ANKRD28: variants seen among roughly 807,000 people sequenced by gnomAD.
ANKRD28 encodes the protein serine/threonine-protein phosphatase 6 regulatory ankyrin repeat subunit A.
A neutral mutation model predicts 126.5 loss-of-function variants in ANKRD28; 44 were observed. The observed-to-expected ratio is 0.35, with a 90% CI of 0.27 to 0.45. ANKRD28 has a LOEUF of 0.45. ANKRD28 is among the 20% of genes least tolerant of loss of function. The pLI is 1.00. For synonymous variants in ANKRD28, 442 were observed against 468.5 expected (o/e 0.94, Z 0.73); for missense variants, 1,110 against 1,316.6 (o/e 0.84, Z 2.43).
chr3:15,819,269 C>T (rs969656678), intron 1 of ANKRD28, among the ~76,000 whole-genome samples: 9 of 151,968 alleles, frequency 5.9e-5, no homozygotes, highest in Non-Finnish European at 1.2e-4. Flanking sequence ...TAGAGCAAGA[C>T]CCTTTCTCAA....
intron 3 of ANKRD28, among the ~76,000 whole-genome samples, chr3:15,758,043 T>A (rs540958546): frequency 5.3e-5 from 8 of 152,344 alleles, no homozygotes; most frequent in African/African-American, 1.7e-4. Flanking sequence ...CAACCTCTGA[T>A]CTAGGCTAAG....
chr3:15,718,056 A>C (rs546947700), intron 8 of ANKRD28, among the ~76,000 whole-genome samples: 1 of 152,180 alleles, frequency 6.6e-6, no homozygotes, highest in Non-Finnish European at 1.5e-5. Context: ...GTGTCCCCAT[A>C]GTCAATCAAT....
intron 1 of ANKRD28, among the ~76,000 whole-genome samples, chr3:15,844,848 T>TA (rs1380943292): frequency 6.6e-6 from 1 of 152,212 alleles, no homozygotes; most frequent in Non-Finnish European, 1.5e-5. Context: ...CACACTGCTA[T>TA]AAAATACCTG....
chr3:15,700,174 G>A (rs538513750), intron 14 of ANKRD28, among the ~76,000 whole-genome samples: 7 of 152,284 alleles, frequency 4.6e-5, no homozygotes, highest in African/African-American at 1.7e-4. Flanking sequence ...TCATACGTGG[G>A]AGCTGAACAA....
At position 15,830,538 on chromosome 3, in the gene ANKRD28, T is replaced by A. The variant is rs1368406384; in HGVS notation, c.27+28839A>T. Among the ~76,000 whole-genome samples, 1 of 152,156 alleles carries A rather than the reference T, an allele frequency of 6.6e-6. No individual in the cohort carries two copies. Among genetic ancestry groups the A allele is most frequent in the East Asian group, 1.9e-4 (1 of 5,194 alleles). ...CAACACTCTAACTAATGCCTGATGATCTGAGGTGGAACAGTTTCATCTCAA... is the reference window on the plus strand; with the variant it reads ...CAACACTCTAACTAATGCCTGATGAACTGAGGTGGAACAGTTTCATCTCAA... On this transcript the variant is annotated intron_variant, in intron 1 of 27. Coordinates refer to the ANKRD28 transcript ENST00000399451. The surrounding 1 kb of genome is among the most constrained non-coding windows in gnomAD (Gnocchi z 4.5).
rs1242396659 is a variant in ANKRD28 at position 15,843,587 on chromosome 3, A to AG, written c.27+15789dup. 6.6e-6 allele frequency among the ~76,000 whole-genome samples: 1 copy of AG among 152,170 alleles called. No individual in the cohort carries two copies. Among genetic ancestry groups the AG allele is most frequent in the Non-Finnish European group, 1.5e-5 (1 of 68,018 alleles). On this transcript the variant is annotated intron_variant, in intron 1 of 27. Transcript: ENST00000399451. The surrounding 1 kb of genome is among the most constrained non-coding windows in gnomAD (Gnocchi z 5.2). ...AGCAGAATAGTTTGAGCCAAAAATAAGGGAAAAAAAAGAGAGAGAGGCAGA... is the reference window on the plus strand; with the variant it reads ...AGCAGAATAGTTTGAGCCAAAAATAAGGGGAAAAAAAAGAGAGAGAGGCAGA...
intron 1 of ANKRD28, among the ~76,000 whole-genome samples, chr3:15,858,242 T>C (rs1021375533): frequency 2.8e-4 from 43 of 152,304 alleles, no homozygotes; most frequent in African/African-American, 1.0e-3. Flanking sequence ...GTTGTATAAT[T>C]TGAAATACAA....
intron 6 of ANKRD28, among the ~76,000 whole-genome samples, chr3:15,725,771 C>T (rs186963971): frequency 1.6e-3 from 248 of 152,248 alleles, no homozygotes; most frequent in Non-Finnish European, 3.2e-3. Flanking sequence ...TGATCAGGCA[C>T]GGTGGCTCAT....
At chr3:15,696,437 T>G (rs1265330035) in intron 14 of ANKRD28, among the ~76,000 whole-genome samples, 192 bp from the exon 15 acceptor site, 3 of 152,078 alleles carry the variant, frequency 2.0e-5, no homozygotes, top group Non-Finnish European at 4.4e-5. Context: ...AATGAAACAT[T>G]CATGAGAATC....
chr3:15,701,173 T>C (rs2070545605), intron 14 of ANKRD28, among the ~76,000 whole-genome samples: 1 of 152,226 alleles, frequency 6.6e-6, no homozygotes, highest in Non-Finnish European at 1.5e-5. Flanking sequence ...GAGCCATTAT[T>C]TCAATGCTAA....
At chr3:15,849,903 C>T (rs751572125) in intron 1 of ANKRD28, among the ~76,000 whole-genome samples, 3 of 151,780 alleles carry the variant, frequency 2.0e-5, no homozygotes, top group Non-Finnish European at 2.9e-5. Flanking sequence ...GTTAATCTGC[C>T]TGGTGTCAAT....
rs2067976390 is a variant in ANKRD28 at position 15,685,247 on chromosome 3, G to A, written c.2368C>T (p.Leu790Phe). The change falls in exon 21 of 28, where the codon CTT (leucine) becomes TTT (phenylalanine). Residue 790 changes from leucine to phenylalanine, a missense_variant. Physicochemically the swap from Leu to Phe is conservative, Grantham distance 22. Transcript: ENST00000683139. ...ATADNHGYTA[L>F]HWACYNGHET... ...TAACCATTGTAGCAAGCCCAGTGAA[G>A]TGCCGTATATCCATGATTGTCTGCT... 6.2e-7 allele frequency: 1 copy of A among 1,613,932 alleles called. No homozygotes were observed.
At position 15,851,792 on chromosome 3, in the gene ANKRD28, C is replaced by G. The variant is rs907136951; in HGVS notation, c.27+7585G>C. Among the ~76,000 whole-genome samples, 34 of 152,166 alleles carry G rather than the reference C, an allele frequency of 2.2e-4. 5 individuals carry two copies. Among genetic ancestry groups the G allele is most frequent in the Admixed American group, 9.8e-4 (15 of 15,288 alleles). ...ACCCAATGATTCCATTCCTATATCC[C>G]AGAGAAATGAAAACTTACGTCTACA... On this transcript the variant is annotated intron_variant, in intron 1 of 27. Transcript: ENST00000399451.
rs1268869574 is a variant in ANKRD28, at chr3:15,796,492, C to G, written c.30G>C (p.Glu10Asp). The change falls in exon 1 of 28, where the codon GAG becomes GAC. Residue 10 changes from glutamate to aspartate, a missense_variant. Glu to Asp is a conservative substitution (Grantham distance 45). Coordinates refer to ENST00000683139, the MANE Select transcript of ANKRD28 (RefSeq NM_001349278.2). MSRVCIVVL[E>D]EVEDESPAFI... ...ATGCAGGAGATTCATCTTCTACCTC[C>G]TCCAAAACAACAATACACACTCGAC... 1 of 1,289,012 alleles carries G rather than the reference C, an allele frequency of 7.8e-7. No individual in the cohort carries two copies. The allele number at this position is 1,289,012 out of a possible 1,614,324, so 79.8% of individuals were successfully genotyped here.
chr3:15,758,113 T>G (rs2058265434), intron 3 of ANKRD28, among the ~76,000 whole-genome samples: 2 of 152,198 alleles, frequency 1.3e-5, no homozygotes, highest in Admixed American at 1.3e-4. Flanking sequence ...GTAATAATTA[T>G]AAATAGTCTC....
intron 18 of ANKRD28, 103 bp from the exon 19 acceptor site, chr3:15,686,412 C>T: frequency 3.3e-6 from 3 of 918,720 alleles, no homozygotes; most frequent in Non-Finnish European, 5.0e-6. Context: ...GGGATAGTTG[C>T]ACTGAATTTA....
chr3:15,693,948 T>C (rs2069164521), intron 17 of ANKRD28, among the ~76,000 whole-genome samples: 1 of 152,146 alleles, frequency 6.6e-6, no homozygotes, highest in South Asian at 2.1e-4. Context: ...GAACTTGTAG[T>C]GTTCCACATT....
At chr3:15,721,255 A>AGTC in intron 7 of ANKRD28, 128 bp from the exon 8 acceptor site, 2 of 753,240 alleles carry the variant, frequency 2.7e-6, no homozygotes, top group Non-Finnish European at 4.4e-6. Flanking sequence ...ATAAGTACAG[A>AGTC]GATAAGGCTT....
At chr3:15,739,004 A>G (rs1230317033) in intron 4 of ANKRD28, among the ~76,000 whole-genome samples, 1 of 152,208 alleles carries the variant, frequency 6.6e-6, no homozygotes, top group Non-Finnish European at 1.5e-5. Flanking sequence ...AAAGAAGATA[A>G]ATATGGCTCT....
Sources: allele counts gnomAD v4.1 joint callset (sites outside exome capture counted in the v4.1 genomes callset), GRCh38; gene constraint gnomAD v4.1.1; non-coding constraint Gnocchi (gnomAD v3.1); transcripts MANE v1.5; gene names NCBI Gene and HGNC (gene_info 2026-07-23, HGNC 2026-07-21).